Variants in GPR160 observed in about 807,000 individuals in gnomAD.
GPR160 encodes probable G protein-coupled receptor 160.
A neutral mutation model predicts 2.6 loss-of-function variants in GPR160; 2 were observed. The observed-to-expected ratio is 0.77, with a 90% CI of 0.32 to 2.44. The LOEUF (loss-of-function observed/expected upper bound fraction) is 2.44. GPR160 is among the 30% of genes most tolerant of loss of function. The pLI is 0.11. For missense variants in GPR160, 351 were observed against 383.6 expected (o/e 0.91, Z 0.71); for synonymous variants, 130 against 132.2 (o/e 0.98, Z 0.12).
chr3:170,060,999 G>T (rs1421702761), intron 2 of GPR160, among the ~76,000 whole-genome samples: 1 of 152,000 alleles, frequency 6.6e-6, no homozygotes, highest in Non-Finnish European at 1.5e-5. Context: ...GTATTGCCGG[G>T]CACGGTGGCT....
At chr3:170,067,657 A>C (rs1712413483) in intron 2 of GPR160, among the ~76,000 whole-genome samples, 1 of 152,022 alleles carries the variant, frequency 6.6e-6, no homozygotes, top group Non-Finnish European at 1.5e-5. Context: ...CGCTTCCCCC[A>C]AAATAACTTC....
At chr3:170,057,332 G>T (rs373433097) in intron 2 of GPR160, 2 of 152,184 alleles carry the variant, frequency 1.3e-5, no homozygotes, top group Non-Finnish European at 2.9e-5. Flanking sequence ...CATAGCCAGT[G>T]AAGTTTATCT....
chr3:170,073,272 C>T (rs1191000294), intron 2 of GPR160, among the ~76,000 whole-genome samples: 4 of 151,844 alleles, frequency 2.6e-5, no homozygotes, highest in African/African-American at 7.3e-5. Context: ...GGATTGCAAA[C>T]GATTTCTTCT....
intron 2 of GPR160, among the ~76,000 whole-genome samples, chr3:170,044,602 G>T (rs1001767735): frequency 6.6e-6 from 1 of 152,126 alleles, no homozygotes; most frequent in Non-Finnish European, 1.5e-5. Context: ...GGTGGGTCTT[G>T]TGCACCTTGG....
At chr3:170,051,593 C>T (rs1236386850) in intron 2 of GPR160, among the ~76,000 whole-genome samples, 2 of 152,142 alleles carry the variant, frequency 1.3e-5, no homozygotes. Flanking sequence ...GGCGCGGTGG[C>T]ATGCGCCTGT....
At chr3:170,055,162 G>T (rs1428052448) in intron 2 of GPR160, among the ~76,000 whole-genome samples, 3 of 152,168 alleles carry the variant, frequency 2.0e-5, no homozygotes, top group Non-Finnish European at 4.4e-5. Flanking sequence ...CTTAGGAGAT[G>T]TGTATGTTAT....
At chr3:170,043,203 C>T (rs370927965) in intron 2 of GPR160, among the ~76,000 whole-genome samples, 1 of 148,662 alleles carries the variant, frequency 6.7e-6, no homozygotes, top group Admixed American at 6.7e-5. Context: ...TGTTTTGAGA[C>T]AGAGTTTTTG....
In GPR160 at chr3:170,084,078, A is replaced by G. The variant is rs137932976; in HGVS notation, c.106A>G (p.Ile36Val). The change falls in exon 4 of 4, where the codon ATA becomes GTA. Residue 36 changes from isoleucine to valine, a missense_variant. By Grantham distance (29) the Ile-to-Val change is conservative (BLOSUM62 3). Transcript: ENST00000355897. The stretch of plus-strand genomic sequence containing the variant: ...GCTATTCTTGATCATACTTGGGAAA[A>G]TATTATTAAATATCCTTACACTAGG... ...YLLFLIILGK[I>V]LLNILTLGMR... 1.3e-6 allele frequency: 2 copies of G among 1,588,274 alleles called. No homozygotes were observed. Among genetic ancestry groups the G allele is most frequent in the Non-Finnish European group, 8.6e-7 (1 of 1,164,594 alleles).
chr3:170,045,447 A>AAAAAAC (rs71176546), intron 2 of GPR160, among the ~76,000 whole-genome samples: 2 of 117,352 alleles, frequency 1.7e-5, no homozygotes, highest in Non-Finnish European at 1.7e-5. Context: ...AAAAAAAAAA[A>AAAAAAC]CCAATTAGCC....
intron 2 of GPR160, among the ~76,000 whole-genome samples, chr3:170,069,803 A>G (rs939506084): frequency 6.6e-6 from 1 of 152,146 alleles, no homozygotes; most frequent in African/African-American, 2.4e-5. Context: ...AACCACACAT[A>G]TTAATTTGTT....
At position 170,083,775 on chromosome 3, in the gene GPR160, G is replaced by A. The variant is rs191690095; in HGVS notation, c.-68-130G>A. Reference sequence around the variant, plus strand: ...TGTTCTGTATTCTATTAAGTATTATGTGACATATAATTCTTATTCATATAT... The same window carrying A: ...TGTTCTGTATTCTATTAAGTATTATATGACATATAATTCTTATTCATATAT... On this transcript the variant is annotated intron_variant, in intron 3 of 3. Coordinates refer to ENST00000355897, the MANE Select transcript of GPR160 (RefSeq NM_014373.3). The A allele has an allele frequency of 1.6e-3, 653 of 409,302 alleles. 5 individuals carry two copies. The highest frequency in any genetic ancestry group is 0.012 in the African/African-American group (594 of 48,470). 25.4% of individuals were successfully genotyped at this position (409,302 alleles called of 1,614,324 possible).
At chr3:170,042,666 A>C (rs1716503447) in intron 2 of GPR160, among the ~76,000 whole-genome samples, 1 of 139,766 alleles carries the variant, frequency 7.2e-6, no homozygotes, top group Admixed American at 7.2e-5. Flanking sequence ...CCATCTCTAC[A>C]AAAAAAAAAA....
chr3:170,047,913 C>T (rs1260067423), intron 2 of GPR160, among the ~76,000 whole-genome samples: 2 of 149,754 alleles, frequency 1.3e-5, no homozygotes, highest in Non-Finnish European at 1.5e-5. Flanking sequence ...TGTCGGCTCA[C>T]TGCAACCTCC....
At chr3:170,066,088 T>C (rs1299413074) in intron 2 of GPR160, among the ~76,000 whole-genome samples, 3 of 151,268 alleles carry the variant, frequency 2.0e-5, no homozygotes, top group Non-Finnish European at 4.4e-5. Context: ...GGTTTCTTCA[T>C]GTATATATAG....
At chr3:170,067,306 G>GTT (rs376445876) in intron 2 of GPR160, among the ~76,000 whole-genome samples, 1 of 152,072 alleles carries the variant, frequency 6.6e-6, no homozygotes, top group Non-Finnish European at 1.5e-5. Context: ...TGCCAGGCCT[G>GTT]TTTTTTTAAG....
chr3:170,064,166 A>T (rs763417158), intron 2 of GPR160, among the ~76,000 whole-genome samples: 7 of 152,126 alleles, frequency 4.6e-5, no homozygotes, highest in Non-Finnish European at 8.8e-5. Context: ...TCAAAATTAG[A>T]GATTTGTAGT....
intron 2 of GPR160, among the ~76,000 whole-genome samples, chr3:170,054,238 A>C (rs1276760326): frequency 2.0e-5 from 3 of 152,020 alleles, no homozygotes; most frequent in African/African-American, 7.2e-5. Context: ...GACTTCAGGC[A>C]GTTGAGGGAG....
intron 2 of GPR160, among the ~76,000 whole-genome samples, chr3:170,050,063 T>C (rs1050964207): frequency 6.1e-4 from 74 of 120,352 alleles, no homozygotes; most frequent in African/African-American, 1.9e-3. Flanking sequence ...AGACAATTCC[T>C]TTTTTTTTTT....
intron 2 of GPR160, chr3:170,062,988 C>T (rs1031244731): frequency 4.3e-6 from 1 of 230,644 alleles, no homozygotes; most frequent in Non-Finnish European, 8.5e-6. Flanking sequence ...CCGTGGATCT[C>T]CACAGTAAGC....
Sources: gnomAD v4.1 joint callset for allele counts (sites outside exome capture counted in the v4.1 genomes callset) on GRCh38, gnomAD v4.1.1 for gene constraint, MANE v1.5 for transcripts, NCBI Gene and HGNC (gene_info 2026-07-23, HGNC 2026-07-21) for gene names.